The following MAML3 variants were observed in gnomAD, a reference collection of about 807,000 sequenced individuals.
The protein encoded by MAML3 is mastermind like transcriptional coactivator 3.
In MAML3, 27 loss-of-function variants were observed where a neutral mutation model predicts 101.9. The ratio of observed to expected loss-of-function variants is 0.27; its 90% CI spans 0.20 to 0.37. MAML3 has a LOEUF of 0.37. MAML3 is among the 10% of genes least tolerant of loss of function. The pLI is 1.00. For missense variants in MAML3, 1,316 were observed against 1,444.9 expected (o/e 0.91, Z 1.45); for synonymous variants, 501 against 555.9 (o/e 0.90, Z 1.39).
intron 2 of MAML3, among the ~76,000 whole-genome samples, chr4:139,876,311 T>C (rs1240611583): frequency 2.6e-5 from 4 of 152,230 alleles, no homozygotes; most frequent in African/African-American, 9.6e-5. Flanking sequence ...CACTGGTGGC[T>C]TGCATTCTAT....
intron 1 of MAML3, among the ~76,000 whole-genome samples, chr4:140,084,175 C>A (rs542068685): frequency 3.3e-5 from 5 of 152,140 alleles, no homozygotes; most frequent in African/African-American, 1.2e-4. Flanking sequence ...ATAATATGCA[C>A]GTGAGAGAAA....
chr4:139,866,312 C>T (rs536603972), intron 2 of MAML3, among the ~76,000 whole-genome samples: 1 of 152,342 alleles, frequency 6.6e-6, no homozygotes, highest in South Asian at 2.1e-4. Context: ...GCTTGTCTCT[C>T]CTCACCCAGC....
intron 2 of MAML3, among the ~76,000 whole-genome samples, chr4:139,883,071 A>G (rs1732249848): frequency 6.6e-6 from 1 of 152,218 alleles, no homozygotes; most frequent in Admixed American, 6.5e-5. Context: ...GACGCAACAC[A>G]GAACGGTGGT....
At chr4:139,795,897 T>G (rs757307091) in intron 2 of MAML3, among the ~76,000 whole-genome samples, 41 of 152,356 alleles carry the variant, frequency 2.7e-4, no homozygotes, top group Admixed American at 1.6e-3. Context: ...AATACACACA[T>G]TCTCTCTTTC....
Position 140,070,150 on chromosome 4 carries a change from C to A in MAML3, c.468+82710G>T, listed in dbSNP as rs192493550. On this transcript the variant is annotated intron_variant, in intron 1 of 4. Coordinates refer to ENST00000509479, the MANE Select transcript of MAML3 (RefSeq NM_018717.5). ...AATAAATAAATAAATAAATAAAAAT[C>A]TAAAAAAGAGCCAGACTCTAAGTTT... is the stretch of plus-strand genomic sequence containing the variant. Among the ~76,000 whole-genome samples, 23 of 145,578 alleles carry A rather than the reference C, an allele frequency of 1.6e-4. 1 individual carries two copies. The East Asian group carries it at 2.0e-3, about 12-fold the overall frequency.
intron 1 of MAML3, among the ~76,000 whole-genome samples, chr4:140,033,518 C>T (rs539586088): frequency 6.6e-6 from 1 of 152,310 alleles, no homozygotes; most frequent in African/African-American, 2.4e-5. Flanking sequence ...GCCTGAGGAG[C>T]ATCTCAACTC....
intron 2 of MAML3, among the ~76,000 whole-genome samples, chr4:139,786,941 T>C (rs893829681): frequency 2.0e-5 from 3 of 152,220 alleles, no homozygotes; most frequent in Non-Finnish European, 4.4e-5. Context: ...TGTCAGAGCC[T>C]ACACCAGACT....
At chr4:139,848,691 T>C (rs552815716) in intron 2 of MAML3, among the ~76,000 whole-genome samples, 1 of 152,346 alleles carries the variant, frequency 6.6e-6, no homozygotes, top group South Asian at 2.1e-4. Context: ...ACTTACGTCT[T>C]ATATAAATAA....
chr4:139,805,434 A>T (rs1730683891), intron 2 of MAML3, among the ~76,000 whole-genome samples: 1 of 152,222 alleles, frequency 6.6e-6, no homozygotes, highest in African/African-American at 2.4e-5. Context: ...GTTTTCTCAT[A>T]GTCTAACCCC....
intron 2 of MAML3, among the ~76,000 whole-genome samples, chr4:139,811,075 A>G (rs1183811203): frequency 6.6e-6 from 1 of 152,248 alleles, no homozygotes; most frequent in African/African-American, 2.4e-5. Context: ...GGAAGACAGA[A>G]GGAGATATGA....
chr4:139,952,162 T>C (rs1733842265), intron 1 of MAML3, among the ~76,000 whole-genome samples: 1 of 152,218 alleles, frequency 6.6e-6, no homozygotes, highest in South Asian at 2.1e-4. Flanking sequence ...CGAAACTCCA[T>C]CTCAAAAGAC....
At chr4:140,055,882 A>G (rs1388369840) in intron 1 of MAML3, among the ~76,000 whole-genome samples, 3 of 152,196 alleles carry the variant, frequency 2.0e-5, no homozygotes, top group African/African-American at 7.2e-5. Context: ...GGTAAGAAAT[A>G]CATTGACTGG....
intron 1 of MAML3, among the ~76,000 whole-genome samples, chr4:140,094,002 G>A (rs1011758542): frequency 6.6e-6 from 1 of 152,224 alleles, no homozygotes. Flanking sequence ...CTGAGGCTGA[G>A]CCAGAAGAGA....
chr4:139,721,813 A>G (rs1277720105), intron 4 of MAML3, among the ~76,000 whole-genome samples: 1 of 152,234 alleles, frequency 6.6e-6, no homozygotes, highest in Non-Finnish European at 1.5e-5. Context: ...TGAAAAATCG[A>G]AAGTTCCTAG....
chr4:139,719,101 A>C lies in MAML3; in HGVS notation c.*222T>G. The C allele has an allele frequency of 1.9e-6, 1 of 532,086 alleles. No homozygotes were observed. 33.0% of individuals were successfully genotyped at this position (532,086 alleles called of 1,614,324 possible). A position where few individuals can be genotyped will look rare whatever the true frequency, so the allele number is the denominator to read the frequency against. Reference sequence around the variant, plus strand: ...GGTGTCTCCCTCTCTCGCAGCCGGGATCTGCATGGCGTCTCATCTCGATTG... The same window carrying C: ...GGTGTCTCCCTCTCTCGCAGCCGGGCTCTGCATGGCGTCTCATCTCGATTG... On this transcript the variant is annotated 3_prime_UTR_variant, in exon 5 of 5. Transcript: ENST00000509479.
At chr4:139,913,462 TTTTGG>T (rs1732969067) in intron 1 of MAML3, among the ~76,000 whole-genome samples, 1 of 152,236 alleles carries the variant, frequency 6.6e-6, no homozygotes, top group Non-Finnish European at 1.5e-5. Flanking sequence ...TGCCAATGAT[TTTTGG>T]ATAAAAAATC....
At chr4:140,130,214 A>G (rs1328727268) in intron 1 of MAML3, among the ~76,000 whole-genome samples, 1 of 152,212 alleles carries the variant, frequency 6.6e-6, no homozygotes, top group Non-Finnish European at 1.5e-5. Context: ...CGTGCATCTC[A>G]GCAGAATCAC....
At chr4:140,090,220 T>G (rs1473952700) in intron 1 of MAML3, among the ~76,000 whole-genome samples, 3 of 152,192 alleles carry the variant, frequency 2.0e-5, no homozygotes, top group Non-Finnish European at 4.4e-5. Context: ...TTCTACAGAG[T>G]GCTTCTGTGT....
At chr4:140,151,266 C>A (rs114325070) in intron 1 of MAML3, among the ~76,000 whole-genome samples, 6,469 of 151,576 alleles carry the variant, frequency 0.043, 430 homozygotes, top group African/African-American at 0.15. Context: ...CGGGACTGGG[C>A]AGGATCGCGC....
Sources: allele counts gnomAD v4.1 joint callset (sites outside exome capture counted in the v4.1 genomes callset), GRCh38; gene constraint gnomAD v4.1.1; transcripts MANE v1.5; gene names NCBI Gene and HGNC (gene_info 2026-07-23, HGNC 2026-07-21).